ART3: variants seen among roughly 807,000 people sequenced by gnomAD.
ART3 encodes the protein ADP-ribosyltransferase 3 (inactive).
ART3 carries 49 observed loss-of-function variants against 48.5 expected under a neutral mutation model. The observed-to-expected ratio is 1.01, with a 90% CI of 0.80 to 1.28. The LOEUF is 1.28. ART3 is among the 50% of genes most tolerant of loss of function. The pLI is 0.00. For missense variants in ART3, 438 were observed against 454.3 expected (o/e 0.96, Z 0.33); for synonymous variants, 145 against 157.2 (o/e 0.92, Z 0.58).
At chr4:76,022,811 G>C in intron 1 of ART3, 1 of 1,608,262 alleles carries the variant, frequency 6.2e-7, no homozygotes. Context: ...TCTAGAGAGA[G>C]GTACTCCTGT....
chr4:76,024,389 G>C (rs1733175097), intron 1 of ART3, among the ~76,000 whole-genome samples: 1 of 151,948 alleles, frequency 6.6e-6, no homozygotes, highest in African/African-American at 2.4e-5. Flanking sequence ...CCAAGACACT[G>C]TTAAATGCAA....
intron 1 of ART3, chr4:76,012,392 G>C (rs1578175674): frequency 6.6e-6 from 1 of 152,168 alleles, no homozygotes; most frequent in African/African-American, 2.4e-5. Flanking sequence ...TTTATTTCTT[G>C]AAAGTCTTAG....
At position 76,081,830 on chromosome 4, in the gene ART3, G is replaced by A. The variant is rs1003204786; in HGVS notation, c.76G>A (p.Ala26Thr). 9.9e-6 allele frequency: 16 copies of A among 1,610,312 alleles called. No homozygotes were observed. Among genetic ancestry groups the A allele is most frequent in the Non-Finnish European group, 1.4e-5 (16 of 1,177,494 alleles). The change falls in exon 3 of 12, where the codon GCT (alanine) becomes ACT (threonine). Residue 26 changes from alanine to threonine, a missense_variant. Around this residue, in one of 3 missense-constraint regions of ART3, gnomAD observed 206 missense variants for 205.3 expected, o/e 1.00. Transcript: ENST00000355810. ...ATTTCTTTTTCCTTTGAAGGTGAAG[G>A]CTGAAGTGTTAGACATGGCAGATAA... Reference protein sequence around the residue: ...MILVDIFQVKAEVLDMADNAF... With the variant: ...MILVDIFQVKTEVLDMADNAF...
chr4:76,029,586 T>G (rs1010496456), intron 1 of ART3, among the ~76,000 whole-genome samples: 1 of 152,208 alleles, frequency 6.6e-6, no homozygotes, highest in East Asian at 1.9e-4. Flanking sequence ...ACAGTTTTTT[T>G]TGTGTGTGTA....
intron 1 of ART3, among the ~76,000 whole-genome samples, chr4:76,020,581 A>T (rs1732705779): frequency 6.6e-6 from 1 of 152,186 alleles, no homozygotes; most frequent in Non-Finnish European, 1.5e-5. Flanking sequence ...GTGCAATTAA[A>T]CTAGGACATA....
intron 2 of ART3, among the ~76,000 whole-genome samples, chr4:76,078,145 T>C (rs1721548910): frequency 6.6e-6 from 1 of 152,108 alleles, no homozygotes; most frequent in Non-Finnish European, 1.5e-5. Context: ...TTTGTACCTG[T>C]TTTTTAGTAT....
At chr4:76,111,037 T>A (rs890120835) in intron 11 of ART3, among the ~76,000 whole-genome samples, 10 of 152,194 alleles carry the variant, frequency 6.6e-5, no homozygotes, top group African/African-American at 2.4e-4. Flanking sequence ...GTATTAAAAC[T>A]TAACTGCATA....
intron 1 of ART3, among the ~76,000 whole-genome samples, chr4:76,020,103 A>G (rs1334556967): frequency 6.9e-6 from 1 of 145,278 alleles, no homozygotes; most frequent in Non-Finnish European, 1.5e-5. Context: ...ATTCTTACTC[A>G]CTTCTGTTTC....
chr4:76,072,385 ACAAC>A (rs1720408747), upstream of ART3, among the ~76,000 whole-genome samples: 1 of 152,186 alleles, frequency 6.6e-6, no homozygotes, highest in Admixed American at 6.5e-5. Flanking sequence ...CCTGTTTCTA[ACAAC>A]CAAAGAAACA....
rs1722641472 is a variant in ART3, at chr4:76,082,215, A to G, written c.461A>G (p.Glu154Gly). Reference protein sequence around the residue: ...RALQLLRKPCEASSKTVVYRT... With the variant: ...RALQLLRKPCGASSKTVVYRT... Reference sequence around the variant, plus strand: ...CTGCAGTTGCTGAGAAAACCTTGTGAGGCCAGTTCCAAAACTGTGGTATAT... The same window carrying G: ...CTGCAGTTGCTGAGAAAACCTTGTGGGGCCAGTTCCAAAACTGTGGTATAT... Residue 154 changes from glutamate (E) to glycine (G), a missense_variant, in exon 3 of 12, where the codon GAG (glutamate) becomes GGG (glycine). Around this residue, in one of 3 missense-constraint regions of ART3, gnomAD observed 206 missense variants for 205.3 expected, o/e 1.00. Coordinates refer to ENST00000355810, the MANE Select transcript of ART3 (RefSeq NM_001130016.3). 6.2e-7 allele frequency: 1 copy of G among 1,614,170 alleles called. No individual in the cohort carries two copies. The highest frequency in any genetic ancestry group is 8.5e-7 in the Non-Finnish European group (1 of 1,180,034).
At chr4:76,029,247 T>C (rs1733670750) in intron 1 of ART3, among the ~76,000 whole-genome samples, 1 of 152,250 alleles carries the variant, frequency 6.6e-6, no homozygotes, top group Admixed American at 6.5e-5. Context: ...CAACTTCTTA[T>C]TGACAGTTTG....
intron 1 of ART3, chr4:76,022,918 G>T: frequency 8.4e-7 from 1 of 1,189,160 alleles, no homozygotes; most frequent in Non-Finnish European, 1.2e-6. Flanking sequence ...CCCCATATCA[G>T]CAAATAGTCA....
At chr4:76,058,710 C>G (rs950081466) in intron 1 of ART3, 1 of 152,150 alleles carries the variant, frequency 6.6e-6, no homozygotes, top group African/African-American at 2.4e-5. Context: ...GCAGAAGCAG[C>G]TTGTTTTTCA....
chr4:76,016,672 C>T (rs1288159598), intron 1 of ART3, among the ~76,000 whole-genome samples: 1 of 152,208 alleles, frequency 6.6e-6, no homozygotes, highest in East Asian at 1.9e-4. Flanking sequence ...GCAAGTTTTC[C>T]CAGGCACCAG....
At chr4:76,070,711 A>C (rs567199672), upstream of ART3, among the ~76,000 whole-genome samples, 11 of 152,280 alleles carry the variant, frequency 7.2e-5, no homozygotes, top group African/African-American at 2.2e-4. Context: ...CCTTTTCTAG[A>C]TGACTATTTC....
At chr4:76,080,824 T>C (rs1036644749) in intron 2 of ART3, among the ~76,000 whole-genome samples, 1 of 152,142 alleles carries the variant, frequency 6.6e-6, no homozygotes, top group African/African-American at 2.4e-5. Context: ...TCCTAATTTT[T>C]TTTAAAATTG....
Position 76,102,653 on chromosome 4 carries a change from TATA to T in ART3, c.938-1280_938-1278del, listed in dbSNP as rs60500812. Among the ~76,000 whole-genome samples the T allele has an allele frequency of 3.8e-3, 444 of 117,590 alleles. 7 individuals are homozygous for T. The highest frequency in any genetic ancestry group is 0.011 in the African/African-American group (419 of 39,132). 77.1% of individuals were successfully genotyped at this position (117,590 alleles called of 152,430 possible). On this transcript the variant is annotated intron_variant, in intron 8 of 11. Coordinates refer to ENST00000355810, the MANE Select transcript of ART3 (RefSeq NM_001130016.3). The stretch of plus-strand genomic sequence containing the variant: ...ATTGGATATAGAACTGCATATAGAG[TATA>T]ATATTAACTTTTAAAAATGTATATG...
In ART3 at chr4:76,059,827, C is replaced by T. The variant is rs1420899535; in HGVS notation, c.-9-16054C>T. Among the ~76,000 whole-genome samples the T allele has an allele frequency of 2.0e-5, 3 of 152,162 alleles. No individual in the cohort carries two copies. The East Asian group carries it at 5.8e-4, about 29-fold the overall frequency. On this transcript the variant is annotated intron_variant, in intron 1 of 9. Transcript: ENST00000341029. ...AAGTTGGAGAACTATCAAGTTTGTACATGTCTCACAGAGATGAAGAATACA... is the reference window on the plus strand; with the variant it reads ...AAGTTGGAGAACTATCAAGTTTGTATATGTCTCACAGAGATGAAGAATACA...
At chr4:76,111,302 T>C (rs927100583) in intron 11 of ART3, among the ~76,000 whole-genome samples, 1 of 152,180 alleles carries the variant, frequency 6.6e-6, no homozygotes, top group African/African-American at 2.4e-5. Flanking sequence ...GAAGTGCCAC[T>C]AGTGAGGCCG....
Sources: gnomAD v4.1 joint callset for allele counts (sites outside exome capture counted in the v4.1 genomes callset) on GRCh38, gnomAD v4.1.1 for gene constraint, gnomAD v4.1.1 regional missense constraint, MANE v1.5 for transcripts, NCBI Gene and HGNC (gene_info 2026-07-23, HGNC 2026-07-21) for gene names.